PTPRR: variants seen among roughly 807,000 people sequenced by gnomAD.
PTPRR encodes protein tyrosine phosphatase receptor type R, also known as receptor-type tyrosine-protein phosphatase R.
Under a neutral mutation model 77.2 loss-of-function variants are expected in PTPRR, and 38 were observed. That is an observed-to-expected ratio of 0.49 (90% confidence interval 0.38 to 0.65). The LOEUF (loss-of-function observed/expected upper bound fraction) is 0.65, where lower values mean the gene tolerates loss of function less well. Ranked by LOEUF, PTPRR falls within the 30% of genes least tolerant of loss-of-function variation. The probability of loss-of-function intolerance (pLI) is 0.00; values close to 1 mark genes in which losing one functional copy is unlikely to be tolerated. For missense variants in PTPRR, 744 were observed against 799.2 expected, an observed-to-expected ratio of 0.93 and a Z score of 0.83; for synonymous variants, 299 against 283.1, an observed-to-expected ratio of 1.06 and a Z score of -0.57.
intron 1 of PTPRR, among the ~76,000 whole-genome samples, chr12:70,909,016 G>A (rs1258709713): frequency 6.6e-6 from 1 of 152,186 alleles, no homozygotes; most frequent in Non-Finnish European, 1.5e-5. Flanking sequence ...GAGAAAATTG[G>A]AGATTGAAGC....
At position 70,734,068 on chromosome 12, in the gene PTPRR, C is replaced by T. The variant is rs79904330; in HGVS notation, c.1007+11750G>A. ...ACAGTATCTAAGATTCAGAACTGGT[C>T]GCTCTTAAAATAGGAAGCAAAGCTT... On this transcript the variant is annotated intron_variant, in intron 6 of 13. Transcript: ENST00000283228. Among the ~76,000 whole-genome samples, 722 of 152,316 alleles carry T rather than the reference C, an allele frequency of 4.7e-3. 6 individuals carry two copies. The highest frequency in any genetic ancestry group is 0.016 in the African/African-American group (666 of 41,562).
At position 70,643,300 on chromosome 12, in the gene PTPRR, A is replaced by T. The variant is rs1456610966; in HGVS notation, c.1881-4023T>A. 2.0e-5 allele frequency among the ~76,000 whole-genome samples: 3 copies of T among 150,976 alleles called. No individual in the cohort carries two copies. In the South Asian group the frequency reaches 6.3e-4, roughly 32 times the overall value. On this transcript the variant is annotated intron_variant, in intron 13 of 13. Coordinates refer to ENST00000283228, the MANE Select transcript of PTPRR (RefSeq NM_002849.4). ...AGGTGCATGCCACCATACTGAGCTA[A>T]TTTTTTCTGTGTGTGTGTGTTTTTT...
At chr12:70,886,713 T>C (rs1893245885) in intron 2 of PTPRR, among the ~76,000 whole-genome samples, 1 of 152,244 alleles carries the variant, frequency 6.6e-6, no homozygotes, top group Admixed American at 6.5e-5. Context: ...TAAAATTGCA[T>C]ATTCAATCAT....
chr12:70,860,885 C>A (rs947079679), intron 2 of PTPRR, among the ~76,000 whole-genome samples: 1 of 152,112 alleles, frequency 6.6e-6, no homozygotes, highest in African/African-American at 2.4e-5. Flanking sequence ...TTTATATAAA[C>A]CAGGTCTACA....
At chr12:70,806,935 C>G (rs1891720758) in intron 2 of PTPRR, among the ~76,000 whole-genome samples, 1 of 152,188 alleles carries the variant, frequency 6.6e-6, no homozygotes, top group African/African-American at 2.4e-5. Flanking sequence ...CTTGCCATTT[C>G]CCACAAGACG....
chr12:70,747,668 C>T (rs925822708), intron 5 of PTPRR, among the ~76,000 whole-genome samples: 4 of 152,108 alleles, frequency 2.6e-5, no homozygotes, highest in African/African-American at 9.7e-5. Flanking sequence ...ACATATTTTC[C>T]AATCAGTCAT....
intron 6 of PTPRR, among the ~76,000 whole-genome samples, chr12:70,717,613 C>T (rs758514872): frequency 6.6e-6 from 1 of 152,190 alleles, no homozygotes; most frequent in Non-Finnish European, 1.5e-5. Flanking sequence ...ACAGGACATG[C>T]AGCACATCCT....
At chr12:70,781,982 T>C (rs977616863) in intron 2 of PTPRR, among the ~76,000 whole-genome samples, 1 of 152,200 alleles carries the variant, frequency 6.6e-6, no homozygotes, top group African/African-American at 2.4e-5. Flanking sequence ...GTTTTTCATA[T>C]CCTTGCTCAG....
At chr12:70,673,973 C>A (rs1050020967) in intron 10 of PTPRR, among the ~76,000 whole-genome samples, 48 of 152,010 alleles carry the variant, frequency 3.2e-4, no homozygotes, top group African/African-American at 1.1e-3. Flanking sequence ...ATTTTGTTGG[C>A]CAGGCTGAAG....
In PTPRR at chr12:70,638,478, C is replaced by A. The variant is rs1482911054; in HGVS notation, c.*706G>T. ...AGTGGATAGAGTTCTGGAGCAGAAG[C>A]CACCTTTATGCCCAATAATAGAGAG... On this transcript the variant is annotated 3_prime_UTR_variant, in exon 14 of 14. Transcript: ENST00000283228. 6.6e-6 allele frequency: 1 copy of A among 152,568 alleles called. No homozygotes were observed. Among genetic ancestry groups the A allele is most frequent in the Non-Finnish European group, 1.5e-5 (1 of 68,026 alleles). The allele number at this position is 152,568 out of a possible 1,614,324, so 9.5% of individuals were successfully genotyped here.
intron 5 of PTPRR, among the ~76,000 whole-genome samples, chr12:70,752,407 G>A (rs1211073813): frequency 6.6e-6 from 1 of 152,186 alleles, no homozygotes; most frequent in Non-Finnish European, 1.5e-5. Flanking sequence ...GAAAAGAAGA[G>A]TCATCCTCTG....
chr12:70,821,223 T>G (rs1380517400), intron 2 of PTPRR, among the ~76,000 whole-genome samples: 2 of 118,564 alleles, frequency 1.7e-5, no homozygotes, highest in Non-Finnish European at 3.6e-5. Context: ...CTTTTTTTTT[T>G]TTTTTTTTTT....
At chr12:70,673,484 G>A (rs1887323707) in intron 10 of PTPRR, among the ~76,000 whole-genome samples, 1 of 152,144 alleles carries the variant, frequency 6.6e-6, no homozygotes, top group Non-Finnish European at 1.5e-5. Context: ...TTAATCCTTA[G>A]TACATATGCA....
intron 2 of PTPRR, among the ~76,000 whole-genome samples, chr12:70,783,859 G>T (rs1891256309): frequency 8.7e-6 from 1 of 115,378 alleles, no homozygotes; most frequent in Non-Finnish European, 1.8e-5. Flanking sequence ...CTGTGTGGGG[G>T]GGACGGGGGG....
intron 2 of PTPRR, among the ~76,000 whole-genome samples, chr12:70,790,591 C>G (rs192850150): frequency 1.6e-4 from 24 of 152,216 alleles, no homozygotes; most frequent in African/African-American, 5.5e-4. Context: ...ACTCATGCAT[C>G]CAATTGCATC....
At chr12:70,734,463 C>T (rs955879959) in intron 6 of PTPRR, among the ~76,000 whole-genome samples, 4 of 152,120 alleles carry the variant, frequency 2.6e-5, no homozygotes, top group Admixed American at 2.0e-4. Flanking sequence ...AAGCTGGAAG[C>T]AGTGTCCTGG....
At chr12:70,779,279 G>A (rs539265349) in intron 2 of PTPRR, among the ~76,000 whole-genome samples, 12 of 151,584 alleles carry the variant, frequency 7.9e-5, no homozygotes, top group African/African-American at 2.7e-4. Context: ...TCAAGGCCCT[G>A]CTTTATCTGG....
chr12:70,744,673 T>G (rs753409579), intron 6 of PTPRR, among the ~76,000 whole-genome samples: 1 of 152,202 alleles, frequency 6.6e-6, no homozygotes, highest in Non-Finnish European at 1.5e-5. Flanking sequence ...CATTGTGATG[T>G]ATCATGGGAA....
chr12:70,758,617 T>C (rs1028039), intron 4 of PTPRR, among the ~76,000 whole-genome samples: 10,755 of 151,774 alleles, frequency 0.071, 416 homozygotes, highest in Admixed American at 0.087. Context: ...ACTGTGGGAA[T>C]GGGGTTTGGC....
Sources: allele counts gnomAD v4.1 joint callset (sites outside exome capture counted in the v4.1 genomes callset), GRCh38; gene constraint gnomAD v4.1.1; transcripts MANE v1.5; gene names NCBI Gene and HGNC (gene_info 2026-07-23, HGNC 2026-07-21).